The following SCFD2 variants were observed in gnomAD, a reference collection of about 807,000 sequenced individuals.
The protein encoded by SCFD2 is sec1 family domain containing 2, also known as sec1 family domain-containing protein 2.
A neutral mutation model predicts 58.9 loss-of-function variants in SCFD2; 54 were observed. That is an observed-to-expected ratio of 0.92 (90% CI 0.74 to 1.15). The LOEUF is 1.15. Among genes scored for constraint, SCFD2 ranks in the 50% most tolerant of loss-of-function variants. The pLI is 0.00. For missense variants in SCFD2, 805 were observed against 836.6 expected (o/e 0.96, Z 0.47); for synonymous variants, 321 against 335.9 (o/e 0.96, Z 0.49).
rs542361025 is a variant in SCFD2 at position 53,365,993 on chromosome 4, A to T, written c.-52T>A. ...CTACGGTGCAGGAACTTCTTTCAGA[A>T]CTCACCGCTTCCGGAAATTGGGCTC... is the stretch of plus-strand genomic sequence containing the variant. On this transcript the variant is annotated 5_prime_UTR_variant, in exon 1 of 9. Coordinates refer to ENST00000401642, the MANE Select transcript of SCFD2 (RefSeq NM_152540.4). This position sits in a 1 kb window ranked among gnomAD's most constrained non-coding sequence, Gnocchi z 4.3. The T allele has an allele frequency of 7.3e-6, 11 of 1,496,696 alleles. No homozygotes were observed. The East Asian group carries it at 2.5e-4, about 34-fold the overall frequency. The allele number at this position is 1,496,696 out of a possible 1,614,324, so 92.7% of individuals were successfully genotyped here.
chr4:53,309,132 C>CAA (rs201574256), intron 3 of SCFD2, among the ~76,000 whole-genome samples: 20 of 128,364 alleles, frequency 1.6e-4, no homozygotes, highest in South Asian at 2.4e-4. Context: ...GACTTCGTCT[C>CAA]AAAAAAAAAA....
chr4:52,910,651 A>G (rs532456070), intron 6 of SCFD2, among the ~76,000 whole-genome samples: 261 of 152,308 alleles, frequency 1.7e-3, no homozygotes, highest in Non-Finnish European at 3.2e-3. Context: ...AAGAGAGAAG[A>G]AAATATACCC....
At chr4:53,163,286 A>C (rs1251045154) in intron 4 of SCFD2, among the ~76,000 whole-genome samples, 3 of 152,364 alleles carry the variant, frequency 2.0e-5, no homozygotes, top group Admixed American at 2.0e-4. Flanking sequence ...GGAAGGTAGC[A>C]AATTGCCTTT....
chr4:53,028,104 G>A (rs1203123284), intron 5 of SCFD2, among the ~76,000 whole-genome samples: 3 of 151,408 alleles, frequency 2.0e-5, no homozygotes, highest in Non-Finnish European at 4.4e-5. Flanking sequence ...AAAATTAGCT[G>A]GGCGTGGTGG....
chr4:52,984,177 C>A (rs1721438588), intron 5 of SCFD2, among the ~76,000 whole-genome samples: 1 of 152,192 alleles, frequency 6.6e-6, no homozygotes, highest in Non-Finnish European at 1.5e-5. Flanking sequence ...GTAAATATAA[C>A]CCCAGTGGGT....
chr4:52,916,265 G>A (rs1055325338), intron 6 of SCFD2, among the ~76,000 whole-genome samples: 5 of 152,206 alleles, frequency 3.3e-5, no homozygotes, highest in African/African-American at 1.2e-4. Flanking sequence ...AGTAAGAAAC[G>A]GAAGGGTAAG....
chr4:53,358,905 G>A (rs1446334994), intron 1 of SCFD2, among the ~76,000 whole-genome samples: 1 of 152,168 alleles, frequency 6.6e-6, no homozygotes, highest in Non-Finnish European at 1.5e-5. Flanking sequence ...GAATGAAAGA[G>A]ATGGGCATCA....
intron 5 of SCFD2, among the ~76,000 whole-genome samples, chr4:53,127,374 T>A (rs1347145387): frequency 6.6e-6 from 1 of 152,176 alleles, no homozygotes; most frequent in Non-Finnish European, 1.5e-5. Flanking sequence ...CCTTTATTCA[T>A]GCAATAAATA....
intron 5 of SCFD2, among the ~76,000 whole-genome samples, chr4:53,038,208 T>C (rs1722811158): frequency 2.0e-5 from 3 of 152,140 alleles, no homozygotes; most frequent in Admixed American, 1.3e-4. Flanking sequence ...GAAAAACGAA[T>C]ACAAGTCTAG....
chr4:53,263,872 C>T (rs1193636979), intron 4 of SCFD2, among the ~76,000 whole-genome samples: 1 of 152,152 alleles, frequency 6.6e-6, no homozygotes, highest in East Asian at 1.9e-4. Flanking sequence ...AGATTATATC[C>T]TTTGTCTTTG....
intron 4 of SCFD2, among the ~76,000 whole-genome samples, chr4:53,237,178 T>C (rs1454700700): frequency 3.3e-5 from 5 of 149,322 alleles, no homozygotes; most frequent in Non-Finnish European, 7.4e-5. Context: ...ATCAACAGGA[T>C]CCCAAGGCAG....
chr4:52,962,725 T>A (rs1720880044), intron 5 of SCFD2, among the ~76,000 whole-genome samples: 1 of 152,224 alleles, frequency 6.6e-6, no homozygotes. Flanking sequence ...AGTTGTAACT[T>A]CTTGCCTCCC....
chr4:53,266,628 A>G (rs1730991739), intron 4 of SCFD2, among the ~76,000 whole-genome samples: 1 of 152,246 alleles, frequency 6.6e-6, no homozygotes, highest in Non-Finnish European at 1.5e-5. Flanking sequence ...ATTAAAAGGC[A>G]AAGCTACTTT....
intron 3 of SCFD2, among the ~76,000 whole-genome samples, chr4:53,285,275 A>AC (rs1731629941): frequency 6.6e-6 from 1 of 152,120 alleles, no homozygotes; most frequent in South Asian, 2.1e-4. Context: ...AGCAGATAAC[A>AC]TGGCACATAA....
At chr4:52,926,985 C>T (rs1560483224) in intron 5 of SCFD2, among the ~76,000 whole-genome samples, 1 of 152,126 alleles carries the variant, frequency 6.6e-6, no homozygotes, top group Non-Finnish European at 1.5e-5. Context: ...TCAAATAAAC[C>T]TTAGCAAGTG....
chr4:52,875,802 CTA>C lies in SCFD2; in HGVS notation c.1963-1743_1963-1742del, dbSNP rs3052566. Among the ~76,000 whole-genome samples the C allele has an allele frequency of 1.1e-3, 69 of 61,084 alleles. 1 individual carries two copies. The highest frequency in any genetic ancestry group is 0.01 in the Middle Eastern group (1 of 96). The allele number at this position is 61,084 out of a possible 152,430, so 40.1% of individuals were successfully genotyped here. A position where few individuals can be genotyped will look rare whatever the true frequency, so the allele number is the denominator to read the frequency against. ...CTTCTTGAAAGAGGATTATCTTTAA[CTA>C]TATATATATATATATATATATATAT... is the stretch of plus-strand genomic sequence containing the variant. On this transcript the variant is annotated intron_variant, in intron 8 of 8. Coordinates refer to ENST00000401642, the MANE Select transcript of SCFD2 (RefSeq NM_152540.4).
intron 5 of SCFD2, among the ~76,000 whole-genome samples, chr4:53,012,095 A>G (rs1221416184): frequency 6.6e-6 from 1 of 151,748 alleles, no homozygotes; most frequent in East Asian, 1.9e-4. Flanking sequence ...ATTTCCAAAA[A>G]CAACAGCAAG....
chr4:52,882,451 A>G (rs183115170), intron 8 of SCFD2, among the ~76,000 whole-genome samples: 4 of 152,312 alleles, frequency 2.6e-5, no homozygotes, highest in African/African-American at 9.6e-5. Flanking sequence ...AGATTGAAGG[A>G]TGCAAAGTAT....
At chr4:53,290,779 A>G (rs1731814592) in intron 3 of SCFD2, among the ~76,000 whole-genome samples, 1 of 152,126 alleles carries the variant, frequency 6.6e-6, no homozygotes, top group Non-Finnish European at 1.5e-5. Context: ...ATTACTACAG[A>G]CACTTCAGAA....
Sources: gnomAD v4.1 joint callset for allele counts (sites outside exome capture counted in the v4.1 genomes callset) on GRCh38, gnomAD v4.1.1 for gene constraint, Gnocchi (gnomAD v3.1) non-coding constraint, MANE v1.5 for transcripts, NCBI Gene and HGNC (gene_info 2026-07-23, HGNC 2026-07-21) for gene names.